The following LGALS9 variants were observed in gnomAD, a reference collection of about 807,000 sequenced individuals.
LGALS9 encodes galectin 9.
A neutral mutation model predicts 35.9 loss-of-function variants in LGALS9; 26 were observed. The observed-to-expected ratio is 0.72, with a 90% CI of 0.53 to 1.01. LGALS9 has a LOEUF of 1.01. LGALS9 is among the 50% of genes least tolerant of loss of function. LGALS9 has a pLI of 0.00. For synonymous variants in LGALS9, 149 were observed against 172.2 expected (o/e 0.87, Z 1.06); for missense variants, 347 against 445.8 (o/e 0.78, Z 1.99).
Position 27,647,360 on chromosome 17 carries a change from C to T in LGALS9, c.849C>T (p.Ile283=), listed in dbSNP as rs200584562. ...DENAVVRNTQ[I]DNSWGSEERS... ...ATGCTGTGGTCCGCAACACCCAGAT[C>T]GACAACTCCTGGGGGTCTGAGGAGC... Residue 283 remains isoleucine, a synonymous_variant, in exon 10 of 11, where the codon ATC becomes ATT. Transcript: ENST00000395473. 8.7e-6 allele frequency: 14 copies of T among 1,614,078 alleles called. No homozygotes were observed. The highest frequency in any genetic ancestry group is 6.7e-5 in the Admixed American group (4 of 60,002).
At chr17:27,645,131 A>G (rs72845102) in intron 5 of LGALS9, 183 bp from the exon 6 acceptor site, 172,354 of 892,470 alleles carry the variant, frequency 0.19, 6,140 homozygotes, top group East Asian at 0.41. Context: ...AAAGCCCTGT[A>G]CACCTGGGGG....
Position 27,643,637 on chromosome 17 carries a change from G to T in LGALS9, c.540+17G>T. On this transcript the variant is annotated intron_variant, in intron 5 of 10. Transcript: ENST00000395473. ...AGACAAAAAGTGAGTTCAACACAGAGGCCCTGGGTGGCCGAGCAGACAGTA... is the reference window on the plus strand; with the variant it reads ...AGACAAAAAGTGAGTTCAACACAGATGCCCTGGGTGGCCGAGCAGACAGTA... 6.3e-7 allele frequency: 1 copy of T among 1,591,540 alleles called. No homozygotes were observed. Among genetic ancestry groups the T allele is most frequent in the Non-Finnish European group, 8.5e-7 (1 of 1,170,400 alleles).
chr17:27,642,236 A>G lies in LGALS9; in HGVS notation c.334-2A>G. The G allele has an allele frequency of 6.2e-7, 1 of 1,610,380 alleles. No homozygotes were observed. The highest frequency in any genetic ancestry group is 8.5e-7 in the Non-Finnish European group (1 of 1,178,168). ...CCCAGAACATGTGCTCTCCTCTGGCAGGTGATGGTGAACGGGATCCTCTTC... is the reference window on the plus strand; with the variant it reads ...CCCAGAACATGTGCTCTCCTCTGGCGGGTGATGGTGAACGGGATCCTCTTC... On this transcript the variant is annotated splice_acceptor_variant, in intron 3 of 10. Transcript: ENST00000395473. LOFTEE classifies it high-confidence loss of function.
At chr17:27,634,559 A>T (rs2074423318) in intron 1 of LGALS9, among the ~76,000 whole-genome samples, 1 of 152,128 alleles carries the variant, frequency 6.6e-6, no homozygotes, top group Non-Finnish European at 1.5e-5. Context: ...CTCAAAAAAA[A>T]CAAAAAACAA....
At chr17:27,632,933 C>T (rs1213699168) in intron 1 of LGALS9, among the ~76,000 whole-genome samples, 1 of 152,202 alleles carries the variant, frequency 6.6e-6, no homozygotes, top group Non-Finnish European at 1.5e-5. Flanking sequence ...GGTTCGCTGT[C>T]CTGCTGAGGA....
Position 27,643,607 on chromosome 17 carries a change from G to A in LGALS9, c.527G>A (p.Gly176Glu), listed in dbSNP as rs361497. The A allele has an allele frequency of 0.25, 399,252 of 1,610,838 alleles. 50,222 individuals are homozygous for A. Among genetic ancestry groups the A allele is most frequent in the Admixed American group, 0.32 (19,090 of 59,884 alleles). The change falls in exon 5 of 11, where the codon GGG (glycine) becomes GAG (glutamate). Residue 176 changes from glycine to glutamate, a missense_variant. By Grantham distance (98) the Gly-to-Glu change is moderately conservative. Transcript: ENST00000395473. ...GTCTGTTTCCCACCCAGGCCCAGGGGGCGCAGACAAAAAGTGAGTTCAACA... is the reference window on the plus strand; with the variant it reads ...GTCTGTTTCCCACCCAGGCCCAGGGAGCGCAGACAAAAAGTGAGTTCAACA... ...QPVCFPPRPRGRRQKPPGVWP... is the reference protein window; with the variant it reads ...QPVCFPPRPRERRQKPPGVWP...
At chr17:27,643,753 T>C in intron 5 of LGALS9, 133 bp downstream of exon 5, 1 of 1,383,370 alleles carries the variant, frequency 7.2e-7, no homozygotes, top group South Asian at 1.5e-5. Flanking sequence ...GTTCCCTGTC[T>C]CTGTCCGCTG....
chr17:27,638,777 T>TAAAAGAGACCAAA (rs2074483502), intron 2 of LGALS9: 2 of 300,464 alleles, frequency 6.7e-6, no homozygotes, highest in Non-Finnish European at 1.3e-5. Context: ...TGGTCTCTTT[T>TAAAAGAGACCAAA]GGTTTCAAGG....
intron 8 of LGALS9, 73 bp downstream of exon 8, chr17:27,646,661 G>A: frequency 6.2e-7 from 1 of 1,604,726 alleles, no homozygotes; most frequent in Non-Finnish European, 8.5e-7. Context: ...CCGCTGTGGG[G>A]GGATCCACTG....
chr17:27,648,786 A>T (rs773072397), intron 10 of LGALS9, 50 bp from the exon 11 acceptor site: 1 of 1,611,236 alleles, frequency 6.2e-7, no homozygotes, highest in East Asian at 2.2e-5. Flanking sequence ...GGCTGCAGTG[A>T]GGGTGGAGGA....
At chr17:27,646,773 C>T (rs1374982948) in intron 8 of LGALS9, among the ~76,000 whole-genome samples, 185 bp downstream of exon 8, 2 of 152,220 alleles carry the variant, frequency 1.3e-5, no homozygotes, top group Non-Finnish European at 2.9e-5. Context: ...TTAAAACTGT[C>T]GTGTCAATAT....
At chr17:27,632,820 A>G (rs2074405742) in intron 1 of LGALS9, among the ~76,000 whole-genome samples, 1 of 152,188 alleles carries the variant, frequency 6.6e-6, no homozygotes, top group African/African-American at 2.4e-5. Context: ...CCTCTACCCC[A>G]CGGGGGCTCC....
chr17:27,646,650 G>A, intron 8 of LGALS9, 62 bp downstream of exon 8: 5 of 1,610,778 alleles, frequency 3.1e-6, no homozygotes, highest in Non-Finnish European at 4.2e-6. Flanking sequence ...GGGGTGAAGG[G>A]CCGCTGTGGG....
chr17:27,648,940 G>T lies in LGALS9; in HGVS notation c.1026G>T (p.Leu342=), dbSNP rs1364167032. The change falls in exon 11 of 11, where the codon CTG becomes CTT. Residue 342 remains leucine, a synonymous_variant. Transcript: ENST00000395473. The part of the protein sequence containing the change: ...RLRNLPTINR[L]EVGGDIQLTH... ...GGAACCTGCCCACCATCAACAGACT[G>T]GAAGTGGGGGGCGACATCCAGCTGA... 2.5e-6 allele frequency: 4 copies of T among 1,613,872 alleles called. No homozygotes were observed. The highest frequency in any genetic ancestry group is 3.4e-6 in the Non-Finnish European group (4 of 1,179,868).
rs1395019511 is a variant in LGALS9 at position 27,640,792 on chromosome 17, C to T, written c.333+19C>T. On this transcript the variant is annotated intron_variant, in intron 3 of 10. Coordinates refer to ENST00000395473, the MANE Select transcript of LGALS9 (RefSeq NM_009587.3). ...TTTCAAGGTGAGCAAGAATCCCCTC[C>T]CCACCTCTCACCCCTGGGACCCCCA... 2.5e-6 allele frequency: 4 copies of T among 1,613,518 alleles called. No individual in the cohort carries two copies. Among genetic ancestry groups the T allele is most frequent in the Non-Finnish European group, 3.4e-6 (4 of 1,179,658 alleles).
intron 4 of LGALS9, 49 bp downstream of exon 4, chr17:27,642,397 C>T (rs1450433378): frequency 3.1e-6 from 5 of 1,610,834 alleles, no homozygotes; most frequent in Non-Finnish European, 4.2e-6. Flanking sequence ...ATGCAGGGCC[C>T]AGCGTAGCTG....
At position 27,640,793 on chromosome 17, in the gene LGALS9, C is replaced by T. The variant is rs772211402; in HGVS notation, c.333+20C>T. ...TTCAAGGTGAGCAAGAATCCCCTCC[C>T]CACCTCTCACCCCTGGGACCCCCAG... On this transcript the variant is annotated intron_variant, in intron 3 of 10. Coordinates refer to ENST00000395473, the MANE Select transcript of LGALS9 (RefSeq NM_009587.3). 8.7e-6 allele frequency: 14 copies of T among 1,613,236 alleles called. 1 individual carries two copies. In the Admixed American group the frequency reaches 2.2e-4, roughly 25 times the overall value.
intron 1 of LGALS9, among the ~76,000 whole-genome samples, chr17:27,636,880 C>G (rs2074458037): frequency 6.6e-6 from 1 of 152,094 alleles, no homozygotes; most frequent in African/African-American, 2.4e-5. Flanking sequence ...TTTGGAAGCT[C>G]TGCCAATACT....
intron 2 of LGALS9, chr17:27,640,280 G>A: frequency 6.4e-6 from 3 of 466,214 alleles, no homozygotes; most frequent in South Asian, 2.1e-5. Context: ...GTATCAATTG[G>A]TAATCACTTT....
Sources: gnomAD v4.1 joint callset for allele counts (sites outside exome capture counted in the v4.1 genomes callset) on GRCh38, gnomAD v4.1.1 for gene constraint, MANE v1.5 for transcripts, NCBI Gene and HGNC (gene_info 2026-07-23, HGNC 2026-07-21) for gene names.